The following SKIC2 variants were observed in gnomAD, a reference collection of about 807,000 sequenced individuals.
SKIC2 encodes the protein SKI2 subunit of superkiller complex.
the SKIC2 span, chr6:31,964,007 A>C: frequency 8.1e-6 from 13 of 1,612,544 alleles, no homozygotes; most frequent in Non-Finnish European, 1.1e-5. The surrounding 1 kb of genome is among the most constrained non-coding windows in gnomAD (Gnocchi z 5.0). Flanking sequence ...CGCTGTGATG[A>C]GCAGGCCTCA....
chr6:31,961,346 C>T, the SKIC2 span: 1 of 1,575,266 alleles, frequency 6.3e-7, no homozygotes, highest in Non-Finnish European at 8.6e-7. Context: ...TGCAGTGCTC[C>T]CCTGGCCCGA....
chr6:31,969,123 C>A, the SKIC2 span: 1 of 1,589,010 alleles, frequency 6.3e-7, no homozygotes. This position sits in a 1 kb window ranked among gnomAD's most constrained non-coding sequence, Gnocchi z 6.1. Context: ...CCTGCCAGGG[C>A]TGTGGCATTC....
the SKIC2 span, chr6:31,966,981 A>G: frequency 1.2e-6 from 2 of 1,612,982 alleles, no homozygotes; most frequent in Non-Finnish European, 1.7e-6. This position sits in a 1 kb window ranked among gnomAD's most constrained non-coding sequence, Gnocchi z 5.9. Flanking sequence ...CCCCTTTCAC[A>G]GCTTCCCCTG....
the SKIC2 span, chr6:31,968,507 A>C: frequency 1.2e-6 from 2 of 1,612,846 alleles, no homozygotes; most frequent in Non-Finnish European, 1.7e-6. This position sits in a 1 kb window ranked among gnomAD's most constrained non-coding sequence, Gnocchi z 6.1. Flanking sequence ...CAGGGGGCTC[A>C]GTGTGTACAC....
the SKIC2 span, chr6:31,963,129 C>G: frequency 1.9e-3 from 2,593 of 1,363,314 alleles, 43 homozygotes; most frequent in African/African-American, 0.032. This position sits in a 1 kb window ranked among gnomAD's most constrained non-coding sequence, Gnocchi z 5.3. Context: ...GTGAAGGGGG[C>G]TACAGTACTC....
the SKIC2 span, chr6:31,959,443 A>C: frequency 7.4e-7 from 1 of 1,347,396 alleles, no homozygotes; most frequent in Admixed American, 1.7e-5. Flanking sequence ...CATTGAGTCC[A>C]AACCTCCTTC....
chr6:31,961,635 T>C, the SKIC2 span: 1 of 1,612,968 alleles, frequency 6.2e-7, no homozygotes, highest in East Asian at 2.2e-5. Flanking sequence ...ACCTCCCCTG[T>C]TGGTGATTTC....
At chr6:31,960,919 T>C in the SKIC2 span, 1 of 910,580 alleles carries the variant, frequency 1.1e-6, no homozygotes, top group Non-Finnish European at 1.8e-6. Context: ...GTTGGGAAAG[T>C]GTCATAGCAA....
the SKIC2 span, chr6:31,960,978 A>G: frequency 8.2e-7 from 1 of 1,221,732 alleles, no homozygotes; most frequent in Non-Finnish European, 1.2e-6. Context: ...TTTTAGGTTT[A>G]TATAATGTAC....
the SKIC2 span, chr6:31,969,578 C>T: frequency 8.1e-6 from 13 of 1,613,700 alleles, no homozygotes; most frequent in East Asian, 6.7e-5. The surrounding 1 kb of genome is among the most constrained non-coding windows in gnomAD (Gnocchi z 6.1). Context: ...CTGCATTCAG[C>T]GCCTGGCTGA....
At chr6:31,967,570 C>T in the SKIC2 span, 1 of 939,426 alleles carries the variant, frequency 1.1e-6, no homozygotes, top group African/African-American at 1.6e-5. This position sits in a 1 kb window ranked among gnomAD's most constrained non-coding sequence, Gnocchi z 4.9. Flanking sequence ...GAAGTCTGCT[C>T]TGATCGCTTG....
At chr6:31,968,991 A>G in the SKIC2 span, 1 of 1,612,868 alleles carries the variant, frequency 6.2e-7, no homozygotes, top group Non-Finnish European at 8.5e-7. This position sits in a 1 kb window ranked among gnomAD's most constrained non-coding sequence, Gnocchi z 6.1. Context: ...CAATGCACTG[A>G]GCACCCTGCG....
the SKIC2 span, chr6:31,959,314 C>T: frequency 2.5e-6 from 4 of 1,613,646 alleles, no homozygotes; most frequent in Non-Finnish European, 3.4e-6. Context: ...CCCTCCAGAT[C>T]CCCTGGACCT....
chr6:31,963,515 G>T, the SKIC2 span: 1 of 1,605,718 alleles, frequency 6.2e-7, no homozygotes, highest in African/African-American at 1.3e-5. The surrounding 1 kb of genome is among the most constrained non-coding windows in gnomAD (Gnocchi z 5.3). Flanking sequence ...CCCAGGGGGA[G>T]CTCTTTTTGT....
the SKIC2 span, chr6:31,962,875 C>T: frequency 1.5e-6 from 2 of 1,319,406 alleles, no homozygotes; most frequent in African/African-American, 1.4e-5. This position sits in a 1 kb window ranked among gnomAD's most constrained non-coding sequence, Gnocchi z 5.0. Flanking sequence ...ATTCCACACA[C>T]TCAGGGCCCC....
chr6:31,965,083 A>G, the SKIC2 span, among the ~76,000 whole-genome samples: 1 of 152,214 alleles, frequency 6.6e-6, no homozygotes, highest in Non-Finnish European at 1.5e-5. This position sits in a 1 kb window ranked among gnomAD's most constrained non-coding sequence, Gnocchi z 5.6. Flanking sequence ...GCACCGCTGC[A>G]CTCCAGCCTG....
chr6:31,962,632 T>C, the SKIC2 span: 5 of 1,608,348 alleles, frequency 3.1e-6, no homozygotes, highest in South Asian at 1.1e-5. This position sits in a 1 kb window ranked among gnomAD's most constrained non-coding sequence, Gnocchi z 5.0. Flanking sequence ...TGGGAAGATG[T>C]GGCCGTTGTG....
the SKIC2 span, chr6:31,961,674 A>G: frequency 6.2e-7 from 1 of 1,611,566 alleles, no homozygotes. Flanking sequence ...CCAGCCTTCC[A>G]GGTACTTTGG....
the SKIC2 span, chr6:31,968,058 G>A: frequency 1.2e-6 from 2 of 1,613,024 alleles, no homozygotes; most frequent in Middle Eastern, 1.7e-4. The surrounding 1 kb of genome is among the most constrained non-coding windows in gnomAD (Gnocchi z 6.1). Context: ...GAGGACTTCA[G>A]CAAGAGGCAG....
Sources: allele counts gnomAD v4.1 joint callset (sites outside exome capture counted in the v4.1 genomes callset), GRCh38; gene constraint gnomAD v4.1.1; non-coding constraint Gnocchi (gnomAD v3.1); transcripts MANE v1.5; gene names NCBI Gene and HGNC (gene_info 2026-07-23, HGNC 2026-07-21).